Variants in C6orf62 observed in about 807,000 individuals in gnomAD.
C6orf62 encodes uncharacterized protein C6orf62.
Under a neutral mutation model 26.8 loss-of-function variants are expected in C6orf62, and 16 were observed. The ratio of observed to expected loss-of-function variants is 0.60; its 90% CI spans 0.40 to 0.91. The LOEUF (loss-of-function observed/expected upper bound fraction) is 0.91. C6orf62 is among the 40% of genes least tolerant of loss of function. The probability of loss-of-function intolerance (pLI) is 0.00; values close to 1 mark genes in which losing one functional copy is unlikely to be tolerated. For missense variants in C6orf62, 192 were observed against 271.4 expected, an observed-to-expected ratio of 0.71 and a Z score of 2.06; for synonymous variants, 112 against 91.5, an observed-to-expected ratio of 1.22 and a Z score of -1.28.
At chr6:24,719,766 C>G (rs764823901), upstream of C6orf62, 7 of 1,544,394 alleles carry the variant, frequency 4.5e-6, no homozygotes, top group Middle Eastern at 2.2e-4. Flanking sequence ...GTGGCGGGTT[C>G]TTCTCCCAAA....
At chr6:24,712,443 G>A (rs1203697156) in intron 3 of C6orf62, among the ~76,000 whole-genome samples, 2 of 151,930 alleles carry the variant, frequency 1.3e-5, no homozygotes, top group African/African-American at 2.4e-5. Context: ...GGCCGAGGCG[G>A]GTGAATCACG....
At chr6:24,713,488 A>G (rs1196808418) in intron 3 of C6orf62, among the ~76,000 whole-genome samples, 1 of 151,970 alleles carries the variant, frequency 6.6e-6, no homozygotes, top group African/African-American at 2.4e-5. Flanking sequence ...AAAGTTTTAA[A>G]TGACAAATAA....
At chr6:24,717,288 G>A (rs372876791) in intron 1 of C6orf62, among the ~76,000 whole-genome samples, 2 of 152,182 alleles carry the variant, frequency 1.3e-5, no homozygotes, top group East Asian at 1.9e-4. Flanking sequence ...TATTATCTTG[G>A]ATTTATTTAA....
chr6:24,707,821 G>A (rs1396373348), intron 4 of C6orf62, among the ~76,000 whole-genome samples: 2 of 151,354 alleles, frequency 1.3e-5, no homozygotes, highest in African/African-American at 4.9e-5. Flanking sequence ...GGCTAACATG[G>A]TGAAACCCTG....
chr6:24,708,679 T>G, intron 4 of C6orf62, 98 bp downstream of exon 4: 1 of 1,489,422 alleles, frequency 6.7e-7, no homozygotes, highest in Non-Finnish European at 9.3e-7. Flanking sequence ...AATGCAGTGT[T>G]TGGGGGACAC....
intron 1 of C6orf62, 147 bp from the exon 2 acceptor site, chr6:24,716,471 GTAATTCCTTCTGTTCTTCCC>G: frequency 1.6e-6 from 1 of 608,608 alleles, no homozygotes; most frequent in East Asian, 2.8e-5. Context: ...TTTCAGATAG[GTAATTCCTTCTGTTCTTCCC>G]CTACCTCCCC....
At chr6:24,720,326 G>A (rs927437232), upstream of C6orf62, 15 of 1,279,678 alleles carry the variant, frequency 1.2e-5, no homozygotes, top group Non-Finnish European at 1.5e-5. Flanking sequence ...ACGGGCAGGA[G>A]CCATGTCAAG....
At chr6:24,719,240 A>C (rs1051694296), upstream of C6orf62, 5 of 987,424 alleles carry the variant, frequency 5.1e-6, no homozygotes, top group African/African-American at 3.5e-5. Context: ...TGAAATATCC[A>C]ATTAGATTTT....
upstream of C6orf62, chr6:24,720,297 C>CG: frequency 7.8e-7 from 1 of 1,285,148 alleles, no homozygotes; most frequent in Non-Finnish European, 9.7e-7. Flanking sequence ...GCGGCGGCGG[C>CG]GGGGGCGCTG....
rs1779297077 is a variant in C6orf62 at position 24,719,021 on chromosome 6, G to A, written c.-353C>T. The A allele has an allele frequency of 1.8e-6, 2 of 1,111,224 alleles. No individual in the cohort carries two copies. Among genetic ancestry groups the A allele is most frequent in the Admixed American group, 1.0e-4 (2 of 19,678 alleles). 68.8% of individuals were successfully genotyped at this position (1,111,224 alleles called of 1,614,324 possible). On this transcript the variant is annotated 5_prime_UTR_variant, in exon 1 of 5. Coordinates refer to ENST00000378119, the MANE Select transcript of C6orf62 (RefSeq NM_030939.5). Reference sequence around the variant, plus strand: ...TAAAGGCTTTGCGGAGAAATGAAAAGCCTATAATCAGGATTTAGGTGTGCA... The same window carrying A: ...TAAAGGCTTTGCGGAGAAATGAAAAACCTATAATCAGGATTTAGGTGTGCA...
At chr6:24,715,333 G>C (rs752567066) in intron 2 of C6orf62, among the ~76,000 whole-genome samples, 3 of 152,096 alleles carry the variant, frequency 2.0e-5, no homozygotes, top group Non-Finnish European at 4.4e-5. Context: ...ACATGTTGCA[G>C]AAGTTTACAA....
chr6:24,717,126 A>G (rs953355189), intron 1 of C6orf62, among the ~76,000 whole-genome samples: 2 of 152,234 alleles, frequency 1.3e-5, no homozygotes. Context: ...AAAATTCTGT[A>G]CTATTAAGTA....
chr6:24,716,036 AAG>A (rs1207267523), intron 2 of C6orf62, 110 bp downstream of exon 2: 10 of 764,552 alleles, frequency 1.3e-5, no homozygotes, highest in Non-Finnish European at 2.2e-5. Flanking sequence ...AATTTACCTG[AAG>A]AGACTGGTCA....
chr6:24,710,807 C>A (rs968968025), intron 3 of C6orf62, among the ~76,000 whole-genome samples: 5 of 151,744 alleles, frequency 3.3e-5, no homozygotes, highest in Non-Finnish European at 5.9e-5. Context: ...GAGACCAGCC[C>A]GGGCAACACA....
At chr6:24,707,199 T>TCG (rs1196263361) in intron 4 of C6orf62, 1 of 152,208 alleles carries the variant, frequency 6.6e-6, no homozygotes, top group African/African-American at 2.4e-5. Flanking sequence ...TACGTTAAAT[T>TCG]TAACAACCTT....
Position 24,718,916 on chromosome 6 carries a change from GA to G in C6orf62, c.-249del. ...GACAATAACGTTTGGGGTCAGACGG[GA>G]AAAAGGGAGGAAAGAAAGGAAAGAA... is the stretch of plus-strand genomic sequence containing the variant. On this transcript the variant is annotated 5_prime_UTR_variant, in exon 1 of 5. Transcript: ENST00000378119. The G allele has an allele frequency of 7.8e-6, 10 of 1,279,344 alleles. No homozygotes were observed. Among genetic ancestry groups the G allele is most frequent in the East Asian group, 7.6e-5 (2 of 26,368 alleles). 79.2% of individuals were successfully genotyped at this position (1,279,344 alleles called of 1,614,324 possible).
chr6:24,718,595 G>A lies in C6orf62; in HGVS notation c.74C>T (p.Ser25Phe). ...CTTGAAGTCAAACTGGTCAGCTAGAGATTCTTTTTTCTTTCTAAGCTGAGC... is the reference window on the plus strand; with the variant it reads ...CTTGAAGTCAAACTGGTCAGCTAGAAATTCTTTTTTCTTTCTAAGCTGAGC... Reference protein sequence around the residue: ...LRAQLRKKKESLADQFDFKMY... With the variant: ...LRAQLRKKKEFLADQFDFKMY... Residue 25 changes from serine (S) to phenylalanine (F), a missense_variant, in exon 1 of 5, where the codon TCT becomes TTT. Ser to Phe is a radical substitution (Grantham distance 155). Transcript: ENST00000378119. 1 of 1,613,980 alleles carries A rather than the reference G, an allele frequency of 6.2e-7. No homozygotes were observed. The highest frequency in any genetic ancestry group is 8.5e-7 in the Non-Finnish European group (1 of 1,179,938).
At chr6:24,711,619 AC>A (rs1249875608) in intron 3 of C6orf62, among the ~76,000 whole-genome samples, 1 of 152,086 alleles carries the variant, frequency 6.6e-6, no homozygotes. Context: ...ACAAAGTGAG[AC>A]CCCATCTCTA....
intron 1 of C6orf62, among the ~76,000 whole-genome samples, chr6:24,717,883 A>C (rs1458420973): frequency 6.6e-6 from 1 of 152,196 alleles, no homozygotes; most frequent in Non-Finnish European, 1.5e-5. Flanking sequence ...CTCACAACTT[A>C]CTGTTTGCTA....
Sources: allele counts gnomAD v4.1 joint callset (sites outside exome capture counted in the v4.1 genomes callset), GRCh38; gene constraint gnomAD v4.1.1; transcripts MANE v1.5; gene names NCBI Gene and HGNC (gene_info 2026-07-23, HGNC 2026-07-21).